The following PTPRK variants were observed in gnomAD, a reference collection of about 807,000 sequenced individuals.
The protein encoded by PTPRK is receptor-type tyrosine-protein phosphatase kappa.
Under a neutral mutation model 178.0 loss-of-function variants are expected in PTPRK, and 75 were observed. The observed-to-expected ratio is 0.42, with a 90% CI of 0.35 to 0.51. PTPRK has a LOEUF of 0.51. PTPRK is among the 20% of genes least tolerant of loss of function. The pLI, the probability that PTPRK is intolerant of heterozygous loss-of-function variation, is 0.02. For synonymous variants in PTPRK, 637 were observed against 620.6 expected, an observed-to-expected ratio of 1.03 and a Z score of -0.39; for missense variants, 1,441 against 1,797.8, an observed-to-expected ratio of 0.80 and a Z score of 3.59.
intron 3 of PTPRK, among the ~76,000 whole-genome samples, chr6:128,254,362 A>G (rs1816944046): frequency 6.6e-6 from 1 of 152,152 alleles, no homozygotes; most frequent in Non-Finnish European, 1.5e-5. Flanking sequence ...AGCCCAGCTG[A>G]AATTGAAAAA....
At chr6:128,157,510 C>A (rs1798101827) in intron 7 of PTPRK, among the ~76,000 whole-genome samples, 1 of 151,932 alleles carries the variant, frequency 6.6e-6, no homozygotes, top group African/African-American at 2.4e-5. Flanking sequence ...TATTATACAG[C>A]TTGTGAATGG....
chr6:128,090,983 TG>T (rs2115027336), intron 7 of PTPRK, among the ~76,000 whole-genome samples: 1 of 152,280 alleles, frequency 6.6e-6, no homozygotes, highest in Non-Finnish European at 1.5e-5. Context: ...AAGTCTGACT[TG>T]GGGGCTTTCA....
chr6:128,387,570 G>A (rs1838923185), intron 2 of PTPRK, among the ~76,000 whole-genome samples: 1 of 151,958 alleles, frequency 6.6e-6, no homozygotes. Flanking sequence ...TATCCTGCTG[G>A]TTCCCCTAAT....
At chr6:128,205,777 C>CAAAAAAAAAAAAAAAAA (rs57003128) in intron 6 of PTPRK, among the ~76,000 whole-genome samples, 2 of 15,230 alleles carry the variant, frequency 1.3e-4, no homozygotes, top group East Asian at 1.8e-3. Context: ...CATCACAGAC[C>CAAAAAAAAAAAAAAAAA]AAAAAAAAAA....
chr6:128,328,628 G>T (rs1244514313), intron 2 of PTPRK, among the ~76,000 whole-genome samples: 1 of 152,082 alleles, frequency 6.6e-6, no homozygotes, highest in African/African-American at 2.4e-5. Flanking sequence ...CCTTATATTA[G>T]AACAAAGGTT....
intron 2 of PTPRK, among the ~76,000 whole-genome samples, chr6:128,323,484 T>C (rs143531938): frequency 3.3e-5 from 5 of 152,276 alleles, no homozygotes; most frequent in Admixed American, 2.0e-4. Context: ...TGACCCTTTC[T>C]TCCTGACAAC....
Position 127,974,754 on chromosome 6 carries a change from T to C in PTPRK, c.3970-927A>G, listed in dbSNP as rs142408521. On this transcript the variant is annotated intron_variant, in intron 27 of 29. Coordinates refer to ENST00000368226, the MANE Select transcript of PTPRK (RefSeq NM_002844.4). ...CATCACTTTTATACAAAAAGGATTA[T>C]ACAATTTTCATGTAATGCTTTTCTT... Among the ~76,000 whole-genome samples the C allele has an allele frequency of 1.2e-4, 18 of 152,354 alleles. 1 individual carries two copies. In the East Asian group the frequency reaches 3.5e-3, roughly 29 times the overall value.
intron 6 of PTPRK, among the ~76,000 whole-genome samples, chr6:128,199,713 G>C (rs1235929998): frequency 6.6e-6 from 1 of 152,124 alleles, no homozygotes; most frequent in East Asian, 1.9e-4. Flanking sequence ...ATCTCATCCT[G>C]AGATTTAACA....
chr6:128,219,029 G>A lies in PTPRK; in HGVS notation c.761C>T (p.Ser254Phe). ...TTTTGTCACTTCTTGCAATCTGAAG[G>A]AAGCGGCAAACCTTCTATGATTGAT... ...KNINHRRFAA[S>F]FRLQEVTKTD... Residue 254 changes from serine (S) to phenylalanine (F), a missense_variant, in exon 6 of 30, where the codon TCC (serine) becomes TTC (phenylalanine). Physicochemically the swap from Ser to Phe is radical, Grantham distance 155. This residue lies in a region of PTPRK where 945 missense variants were observed against 1,080.6 expected (regional missense o/e 0.87). Coordinates refer to ENST00000368226, the MANE Select transcript of PTPRK (RefSeq NM_002844.4). 1 of 1,613,974 alleles carries A rather than the reference G, an allele frequency of 6.2e-7. No homozygotes were observed. Among genetic ancestry groups the A allele is most frequent in the Non-Finnish European group, 8.5e-7 (1 of 1,179,878 alleles).
At chr6:128,467,419 T>C (rs1441402467) in intron 1 of PTPRK, among the ~76,000 whole-genome samples, 1 of 152,126 alleles carries the variant, frequency 6.6e-6, no homozygotes, top group East Asian at 1.9e-4. Context: ...AAATAGCAAA[T>C]GTTCACTTCC....
intron 3 of PTPRK, chr6:128,321,759 C>CTTA: frequency 1.4e-6 from 1 of 692,236 alleles, no homozygotes; most frequent in Non-Finnish European, 2.6e-6. Flanking sequence ...TGGACCTAAA[C>CTTA]TTATTTTAAC....
intron 2 of PTPRK, among the ~76,000 whole-genome samples, chr6:128,341,633 G>A (rs1831674794): frequency 6.6e-6 from 1 of 152,106 alleles, no homozygotes; most frequent in African/African-American, 2.4e-5. Context: ...CTATGCCTTT[G>A]TCTTTGCCTG....
chr6:128,166,327 A>G (rs990066113), intron 7 of PTPRK, among the ~76,000 whole-genome samples: 4 of 151,660 alleles, frequency 2.6e-5, no homozygotes, highest in Non-Finnish European at 5.9e-5. Context: ...AAAAATGTTT[A>G]TTCTGTGAAT....
At chr6:128,191,853 A>C (rs1162448023) in intron 6 of PTPRK, among the ~76,000 whole-genome samples, 1 of 152,162 alleles carries the variant, frequency 6.6e-6, no homozygotes, top group African/African-American at 2.4e-5. Context: ...TATATCACTT[A>C]TATTTCCATT....
intron 8 of PTPRK, among the ~76,000 whole-genome samples, chr6:128,087,341 G>A (rs1786062759): frequency 6.6e-6 from 1 of 151,894 alleles, no homozygotes; most frequent in African/African-American, 2.4e-5. Context: ...TTAAGGGTAG[G>A]CAATAAAACA....
intron 1 of PTPRK, among the ~76,000 whole-genome samples, chr6:128,508,959 A>G (rs1163889285): frequency 6.9e-6 from 1 of 145,264 alleles, no homozygotes; most frequent in Non-Finnish European, 1.5e-5. Context: ...AAAAAAAAAA[A>G]GAAAAGAAAA....
chr6:128,441,427 C>T (rs79275936), intron 1 of PTPRK, among the ~76,000 whole-genome samples: 27 of 151,716 alleles, frequency 1.8e-4, no homozygotes, highest in Non-Finnish European at 3.5e-4. Flanking sequence ...GTCTAAAGGT[C>T]TTTGAAGTGC....
chr6:128,272,069 C>G (rs893382336), intron 3 of PTPRK, among the ~76,000 whole-genome samples: 2 of 152,046 alleles, frequency 1.3e-5, no homozygotes, highest in African/African-American at 4.8e-5. Flanking sequence ...ATACAACCAT[C>G]TGATCTTTGA....
chr6:128,508,245 G>A (rs1856647219), intron 1 of PTPRK, among the ~76,000 whole-genome samples: 1 of 152,108 alleles, frequency 6.6e-6, no homozygotes, highest in South Asian at 2.1e-4. Flanking sequence ...CACAGGCACT[G>A]GGACAAGTCA....
Sources: gnomAD v4.1 joint callset for allele counts (sites outside exome capture counted in the v4.1 genomes callset) on GRCh38, gnomAD v4.1.1 for gene constraint, gnomAD v4.1.1 regional missense constraint, MANE v1.5 for transcripts, NCBI Gene and HGNC (gene_info 2026-07-23, HGNC 2026-07-21) for gene names.